The following SLC35E2B variants were observed in gnomAD, a reference collection of about 807,000 sequenced individuals.
SLC35E2B encodes solute carrier family 35, member E2B.
In SLC35E2B, 18 loss-of-function variants were observed where a neutral mutation model predicts 32.4. That is an observed-to-expected ratio of 0.56 (90% CI 0.38 to 0.82). The LOEUF (loss-of-function observed/expected upper bound fraction) is 0.82, where lower values mean the gene tolerates loss of function less well. Among genes scored for constraint, SLC35E2B ranks in the 40% least tolerant of loss-of-function variants. The pLI, the probability that SLC35E2B is intolerant of heterozygous loss-of-function variation, is 0.00. For missense variants in SLC35E2B, 263 were observed against 469.5 expected, an observed-to-expected ratio of 0.56 and a Z score of 4.06; for synonymous variants, 132 against 209.1, an observed-to-expected ratio of 0.63 and a Z score of 3.18.
intron 2 of SLC35E2B, among the ~76,000 whole-genome samples, chr1:1,689,760 G>A (rs1643997229): frequency 6.6e-6 from 1 of 151,340 alleles, no homozygotes. Context: ...GCCAAGGTGG[G>A]CGGATCACTT....
intron 1 of SLC35E2B, among the ~76,000 whole-genome samples, chr1:1,691,814 GA>G (rs1644018784): frequency 3.3e-5 from 3 of 92,224 alleles, no homozygotes; most frequent in Admixed American, 3.1e-4. Context: ...CCGACCAGGT[GA>G]CCCGCTGCGC....
chr1:1,664,059 T>C lies in SLC35E2B; in HGVS notation c.*1723A>G. ...ATAGCCAGGCATGGTGGCACGTGCC[T>C]GTGGTTCCAGCCACATGGGAGGCTG... On this transcript the variant is annotated 3_prime_UTR_variant, in exon 10 of 10. Coordinates refer to ENST00000617444, the MANE Select transcript of SLC35E2B (RefSeq NM_001290264.2). The C allele has an allele frequency of 2.9e-6, 1 of 350,772 alleles. No individual in the cohort carries two copies. Among genetic ancestry groups the C allele is most frequent in the Non-Finnish European group, 4.0e-6 (1 of 249,900 alleles). The allele number at this position is 350,772 out of a possible 1,614,324, so 21.7% of individuals were successfully genotyped here.
At chr1:1,679,585 G>A (rs529049086) in intron 2 of SLC35E2B, among the ~76,000 whole-genome samples, 1 of 152,164 alleles carries the variant, frequency 6.6e-6, no homozygotes, top group Non-Finnish European at 1.5e-5. Context: ...CCAGCACTTT[G>A]GGAGGCCAAG....
chr1:1,669,195 G>T (rs890054989), intron 8 of SLC35E2B, among the ~76,000 whole-genome samples: 4 of 151,488 alleles, frequency 2.6e-5, no homozygotes, highest in African/African-American at 7.3e-5. Flanking sequence ...CTCACACAGA[G>T]AACCCTCTGT....
At chr1:1,666,141 T>C (rs1643539925) in intron 9 of SLC35E2B, 122 bp from the exon 10 acceptor site, 9 of 1,192,706 alleles carry the variant, frequency 7.5e-6, no homozygotes, top group Non-Finnish European at 1.0e-5. Flanking sequence ...AGCGTCACGG[T>C]GACATCAGCC....
At position 1,665,615 on chromosome 1, in the gene SLC35E2B, G is replaced by A. The variant is rs1049283449; in HGVS notation, c.*167C>T. 1.8e-6 allele frequency: 2 copies of A among 1,102,180 alleles called. No individual in the cohort carries two copies. The highest frequency in any genetic ancestry group is 3.2e-5 in the African/African-American group (2 of 63,114). The allele number at this position is 1,102,180 out of a possible 1,614,324, so 68.3% of individuals were successfully genotyped here. A position where few individuals can be genotyped will look rare whatever the true frequency, so the allele number is the denominator to read the frequency against. ...AGGAAGCTGATACCTGGAATCCCCA[G>A]TTTGAGTTTCTGCTGGTCTTCACCG... On this transcript the variant is annotated 3_prime_UTR_variant, in exon 10 of 10. Transcript: ENST00000617444.
rs17162798 is a variant in SLC35E2B at position 1,662,799 on chromosome 1, C to T, written c.*2983G>A. 6.3e-5 allele frequency: 49 copies of T among 776,746 alleles called. 8 individuals carry two copies. Among genetic ancestry groups the T allele is most frequent in the African/African-American group, 1.8e-4 (10 of 56,104 alleles). The allele number at this position is 776,746 out of a possible 1,614,324, so 48.1% of individuals were successfully genotyped here. ...CGGGAGGTGGTTCAAGTGTTCTGTT[C>T]GTTTACAAAAGCACAGACCACGACC... On this transcript the variant is annotated 3_prime_UTR_variant, in exon 10 of 10. Transcript: ENST00000617444.
chr1:1,670,843 G>A (rs527422741), intron 6 of SLC35E2B: 4 of 152,312 alleles, frequency 2.6e-5, no homozygotes, highest in East Asian at 1.9e-4. Context: ...CTCAAAAGCA[G>A]GAAAAGCCTA....
intron 2 of SLC35E2B, among the ~76,000 whole-genome samples, chr1:1,679,071 G>A (rs1356019731): frequency 6.6e-6 from 1 of 152,108 alleles, no homozygotes; most frequent in Non-Finnish European, 1.5e-5. Context: ...CCACCTCGAA[G>A]GCTGCCCCCT....
chr1:1,669,071 G>A (rs1247914524), intron 8 of SLC35E2B, among the ~76,000 whole-genome samples: 2 of 152,004 alleles, frequency 1.3e-5, no homozygotes, highest in African/African-American at 4.8e-5. Flanking sequence ...CACAAGAACT[G>A]ATGGCCCTGG....
At chr1:1,667,939 G>A (rs892472016) in intron 9 of SLC35E2B, among the ~76,000 whole-genome samples, 3 of 150,410 alleles carry the variant, frequency 2.0e-5, no homozygotes, top group African/African-American at 7.4e-5. Flanking sequence ...TGTAACCTCC[G>A]GCTCCTGGAT....
At chr1:1,681,988 CAAAA>C (rs754719969) in intron 2 of SLC35E2B, among the ~76,000 whole-genome samples, 1 of 37,422 alleles carries the variant, frequency 2.7e-5, no homozygotes, top group Non-Finnish European at 4.9e-5. Context: ...CACTCTGTCT[CAAAA>C]AAAAAAAAAA....
Position 1,665,947 on chromosome 1 carries a change from G to A in SLC35E2B, c.1053C>T (p.Ser351=). 6.4e-7 allele frequency: 1 copy of A among 1,551,594 alleles called. No homozygotes were observed. Among genetic ancestry groups the A allele is most frequent in the East Asian group, 2.4e-5 (1 of 40,930 alleles). ...CCAGGGCTGTGCCAACGGCCGACAA[G>A]CTGGTGATCTTGTTGCCGAAAACGA... ...SVIVFGNKIT[S]LSAVGTALVT... is the part of the protein sequence containing the mutation. The change falls in exon 10 of 10, where the codon AGC becomes AGT. Residue 351 remains serine, a synonymous_variant. Coordinates refer to ENST00000617444, the MANE Select transcript of SLC35E2B (RefSeq NM_001290264.2).
rs1222466318 is a variant in SLC35E2B, at chr1:1,681,442, C to T, written c.-147-4596G>A. ...CAGGATGGTCTCGATCTCCTGACCT[C>T]GTGATCCACCCACCTAGGCCTCCCA... On this transcript the variant is annotated intron_variant, in intron 2 of 9. Coordinates refer to ENST00000617444, the MANE Select transcript of SLC35E2B (RefSeq NM_001290264.2). 4.6e-5 allele frequency among the ~76,000 whole-genome samples: 7 copies of T among 151,284 alleles called. No individual in the cohort carries two copies. The South Asian group carries it at 6.3e-4, about 14-fold the overall frequency.
intron 2 of SLC35E2B, among the ~76,000 whole-genome samples, chr1:1,684,562 C>T (rs1169789851): frequency 4.6e-5 from 7 of 152,020 alleles, no homozygotes; most frequent in African/African-American, 1.5e-4. Context: ...GAGGCCGAGG[C>T]GGGTGGATCA....
intron 2 of SLC35E2B, among the ~76,000 whole-genome samples, chr1:1,680,543 C>A (rs1196180065): frequency 6.6e-6 from 1 of 152,140 alleles, no homozygotes; most frequent in Non-Finnish European, 1.5e-5. Context: ...CATGCTGAGC[C>A]CCAGCCAACG....
At chr1:1,678,765 A>G (rs576382365) in intron 2 of SLC35E2B, among the ~76,000 whole-genome samples, 91 of 152,228 alleles carry the variant, frequency 6.0e-4, no homozygotes, top group Admixed American at 2.4e-3. Flanking sequence ...GCCTGGGGTG[A>G]CAACAAGCTG....
At position 1,665,928 on chromosome 1, in the gene SLC35E2B, C is replaced by T. The variant is rs541155330; in HGVS notation, c.1072G>A (p.Ala358Thr). The stretch of plus-strand genomic sequence containing the variant: ...AGCAGGACCCCAACGGTCACCAGGG[C>T]TGTGCCAACGGCCGACAAGCTGGTG... The part of the protein sequence containing the change: ...KITSLSAVGT[A>T]LVTVGVLLYN... The change falls in exon 10 of 10, where the codon GCC becomes ACC. Residue 358 changes from alanine to threonine, a missense_variant. Ala to Thr is a moderately conservative substitution (Grantham distance 58). Around this residue, in one of 7 missense-constraint regions of SLC35E2B, gnomAD observed 78 missense variants for 71.1 expected, o/e 1.10. Coordinates refer to ENST00000617444, the MANE Select transcript of SLC35E2B (RefSeq NM_001290264.2). 11 of 1,551,472 alleles carry T rather than the reference C, an allele frequency of 7.1e-6. No individual in the cohort carries two copies. The East Asian group carries it at 1.7e-4, about 24-fold the overall frequency.
intron 2 of SLC35E2B, among the ~76,000 whole-genome samples, chr1:1,681,779 A>T (rs1258490328): frequency 6.6e-6 from 1 of 150,452 alleles, no homozygotes; most frequent in African/African-American, 2.4e-5. Flanking sequence ...AGGTCAGGAG[A>T]TGGAGACTAT....
Sources: gnomAD v4.1 joint callset for allele counts (sites outside exome capture counted in the v4.1 genomes callset) on GRCh38, gnomAD v4.1.1 for gene constraint, gnomAD v4.1.1 regional missense constraint, MANE v1.5 for transcripts, NCBI Gene and HGNC (gene_info 2026-07-23, HGNC 2026-07-21) for gene names.